Variants in SHCBP1L observed in about 807,000 individuals in gnomAD.
SHCBP1L encodes the protein SHC binding and spindle associated 1 like.
A neutral mutation model predicts 62.5 loss-of-function variants in SHCBP1L; 67 were observed. The observed-to-expected ratio is 1.07, with a 90% confidence interval of 0.88 to 1.31. SHCBP1L has a LOEUF of 1.31. Among genes scored for constraint, SHCBP1L ranks in the 40% most tolerant of loss-of-function variants. The probability of loss-of-function intolerance (pLI) is 0.00; values close to 1 mark genes in which losing one functional copy is unlikely to be tolerated. For missense variants in SHCBP1L, 823 were observed against 809.8 expected (o/e 1.02, Z -0.20); for synonymous variants, 284 against 289.4 (o/e 0.98, Z 0.19).
chr1:182,917,282 T>G (rs530010902), intron 6 of SHCBP1L, among the ~76,000 whole-genome samples: 2 of 152,296 alleles, frequency 1.3e-5, no homozygotes, highest in African/African-American at 4.8e-5. Context: ...GAAGTGAGAT[T>G]TATTCCAAGA....
intron 2 of SHCBP1L, among the ~76,000 whole-genome samples, chr1:182,945,206 C>T (rs1293312064): frequency 2.0e-5 from 3 of 152,136 alleles, no homozygotes; most frequent in East Asian, 3.9e-4. Context: ...TCAGGCAATC[C>T]GTCCGTCTTG....
intron 2 of SHCBP1L, among the ~76,000 whole-genome samples, chr1:182,944,643 T>G (rs1180252606): frequency 3.9e-5 from 6 of 152,220 alleles, no homozygotes; most frequent in Non-Finnish European, 7.3e-5. Context: ...TTAAATAATA[T>G]GCTTATATTG....
At chr1:182,901,372 G>T (rs768188533) in intron 9 of SHCBP1L, among the ~76,000 whole-genome samples, 6 of 152,128 alleles carry the variant, frequency 3.9e-5, no homozygotes, top group African/African-American at 1.4e-4. Flanking sequence ...CAGGAAAATC[G>T]CTTGAACCTG....
intron 5 of SHCBP1L, among the ~76,000 whole-genome samples, chr1:182,936,246 G>C (rs529882962): frequency 2.1e-5 from 3 of 143,594 alleles, no homozygotes; most frequent in Admixed American, 7.5e-5. Context: ...AGTGATTCTC[G>C]TGTCTCAGCC....
At chr1:182,938,523 T>C (rs1461474200) in intron 5 of SHCBP1L, among the ~76,000 whole-genome samples, 1 of 152,092 alleles carries the variant, frequency 6.6e-6, no homozygotes, top group Non-Finnish European at 1.5e-5. Flanking sequence ...TGCAGTAGCA[T>C]GATCGATGCT....
intron 2 of SHCBP1L, among the ~76,000 whole-genome samples, chr1:182,941,284 A>G (rs1243016988): frequency 6.6e-6 from 1 of 150,822 alleles, no homozygotes; most frequent in Non-Finnish European, 1.5e-5. Context: ...GAGAAAGGAC[A>G]TAAAGAGTAA....
chr1:182,944,573 C>A (rs1311054614), intron 2 of SHCBP1L: 1 of 151,524 alleles, frequency 6.6e-6, no homozygotes, highest in East Asian at 1.9e-4. Context: ...TCTTGCTCCT[C>A]AGAGGCAACC....
In SHCBP1L at chr1:182,924,778, A is replaced by AAG. The variant is rs1425692109; in HGVS notation, c.1182+4867_1182+4868dup. Among the ~76,000 whole-genome samples the AAG allele has an allele frequency of 3.3e-3, 323 of 99,042 alleles. 17 individuals carry two copies. Among genetic ancestry groups the AAG allele is most frequent in the African/African-American group, 0.019 (228 of 12,310 alleles). 65.0% of individuals were successfully genotyped at this position (99,042 alleles called of 152,430 possible). A position where few individuals can be genotyped will look rare whatever the true frequency, so the allele number is the denominator to read the frequency against. ...AAAGAAAGAAAGAAAGAAAGAAAGA[A>AAG]AGAAAGAAAGAGAGAAAGAAAGGAA... On this transcript the variant is annotated intron_variant, in intron 6 of 9. Transcript: ENST00000367547.
Position 182,939,327 on chromosome 1 carries a change from T to G in SHCBP1L, c.925A>C (p.Lys309Gln). The change falls in exon 5 of 10, where the codon AAA (lysine) becomes CAA (glutamine). Residue 309 changes from lysine to glutamine, a missense_variant. Physicochemically the swap from Lys to Gln is moderately conservative, Grantham distance 53. Transcript: ENST00000367547. ...AGCTCGACACGTTTGTTTTTATATT[T>G]CTCCAAAGTTTTTTTAAAACGTTGT... is the stretch of plus-strand genomic sequence containing the variant. ...IAQRFKKTLE[K>Q]YKNKRVELIE... 6.2e-7 allele frequency: 1 copy of G among 1,614,020 alleles called. No individual in the cohort carries two copies. The highest frequency in any genetic ancestry group is 2.2e-5 in the East Asian group (1 of 44,828).
chr1:182,912,670 G>A (rs1650226712), intron 6 of SHCBP1L, among the ~76,000 whole-genome samples: 1 of 151,868 alleles, frequency 6.6e-6, no homozygotes, highest in African/African-American at 2.4e-5. Context: ...TTACAGGTGT[G>A]CACCACCACA....
intron 5 of SHCBP1L, among the ~76,000 whole-genome samples, chr1:182,934,532 G>A (rs1414064965): frequency 6.6e-6 from 1 of 151,994 alleles, no homozygotes; most frequent in Admixed American, 6.5e-5. Context: ...TTTTAATTGG[G>A]TTGTTTGTTA....
At chr1:182,940,235 C>A in intron 3 of SHCBP1L, 94 bp downstream of exon 3, 1 of 978,510 alleles carries the variant, frequency 1.0e-6, no homozygotes, top group Non-Finnish European at 1.5e-6. Context: ...AAAATTAAAT[C>A]AGTAAGTGCT....
chr1:182,919,438 G>T (rs1650458828), intron 6 of SHCBP1L, among the ~76,000 whole-genome samples: 4 of 152,186 alleles, frequency 2.6e-5, no homozygotes. Context: ...TGATCCATTT[G>T]TGAGGGCCCT....
chr1:182,940,927 A>G (rs1451851526), intron 2 of SHCBP1L, among the ~76,000 whole-genome samples: 2 of 152,072 alleles, frequency 1.3e-5, no homozygotes, highest in Non-Finnish European at 2.9e-5. Flanking sequence ...ATCATTGCAC[A>G]CTAATCCTTG....
At chr1:182,944,228 AAACCCTGTCTCTACT>A (rs1485737515) in intron 2 of SHCBP1L, 1 of 152,328 alleles carries the variant, frequency 6.6e-6, no homozygotes, top group Non-Finnish European at 1.5e-5. Context: ...CAACGTGCTG[AAACCCTGTCTCTACT>A]AAAAATACAA....
intron 5 of SHCBP1L, among the ~76,000 whole-genome samples, chr1:182,931,450 AT>A: frequency 6.6e-6 from 1 of 152,330 alleles, no homozygotes; most frequent in Non-Finnish European, 1.5e-5. Flanking sequence ...GATTTCACAA[AT>A]GTATATATGT....
intron 6 of SHCBP1L, 56 bp downstream of exon 6, chr1:182,929,591 T>G: frequency 8.3e-7 from 1 of 1,205,542 alleles, no homozygotes; most frequent in South Asian, 1.6e-5. Flanking sequence ...GGAGCTTCTT[T>G]TCCGATTATA....
intron 6 of SHCBP1L, among the ~76,000 whole-genome samples, chr1:182,924,778 A>AAGAG (rs1425692109): frequency 1.0e-5 from 1 of 99,108 alleles, no homozygotes; most frequent in Non-Finnish European, 1.8e-5. Flanking sequence ...GAAAGAAAGA[A>AAGAG]AGAAAGAAAG....
chr1:182,951,616 A>C (rs1651748195), intron 1 of SHCBP1L, 149 bp from the exon 2 acceptor site: 1 of 521,752 alleles, frequency 1.9e-6, no homozygotes, highest in Non-Finnish European at 3.1e-6. Context: ...ACAGATTTTA[A>C]CTGAAACCGC....
Sources: allele counts gnomAD v4.1 joint callset (sites outside exome capture counted in the v4.1 genomes callset), GRCh38; gene constraint gnomAD v4.1.1; transcripts MANE v1.5; gene names NCBI Gene and HGNC (gene_info 2026-07-23, HGNC 2026-07-21).